Variants in STXBP5 observed in about 807,000 individuals in gnomAD.
The protein encoded by STXBP5 is syntaxin binding protein 5.
A neutral mutation model predicts 152.4 loss-of-function variants in STXBP5; 50 were observed. The ratio of observed to expected loss-of-function variants is 0.33; its 90% CI spans 0.26 to 0.42. STXBP5 has a LOEUF of 0.42. Among genes scored for constraint, STXBP5 ranks in the 10% least tolerant of loss-of-function variants. The pLI, the probability that STXBP5 is intolerant of heterozygous loss-of-function variation, is 1.00. For missense variants in STXBP5, 1,167 were observed against 1,388.6 expected (o/e 0.84, Z 2.54); for synonymous variants, 492 against 494.7 (o/e 0.99, Z 0.07).
intron 2 of STXBP5, among the ~76,000 whole-genome samples, chr6:147,222,331 T>C (rs567743328): frequency 8.1e-4 from 123 of 152,330 alleles, no homozygotes; most frequent in African/African-American, 2.9e-3. Context: ...CGGGACATGA[T>C]GTACTAAGTA....
chr6:147,315,025 A>G (rs2128374555), intron 14 of STXBP5, among the ~76,000 whole-genome samples: 1 of 141,596 alleles, frequency 7.1e-6, no homozygotes, highest in Non-Finnish European at 1.5e-5. Flanking sequence ...ACATAGTAGC[A>G]AAAAAAGAAA....
rs114664715 is a variant in STXBP5, at chr6:147,239,463, A to G, written c.431+193A>G. Among the ~76,000 whole-genome samples, 513 of 152,294 alleles carry G rather than the reference A, an allele frequency of 3.4e-3. 2 individuals carry two copies. The highest frequency in any genetic ancestry group is 0.012 in the African/African-American group (500 of 41,570). ...ATCTTACTTTCTTCAGCAACCACAT[A>G]AATTTCTTTTGTGTCCTTCTGGAAG... On this transcript the variant is annotated intron_variant, in intron 4 of 27. Coordinates refer to ENST00000321680, the MANE Select transcript of STXBP5 (RefSeq NM_001127715.4).
intron 26 of STXBP5, among the ~76,000 whole-genome samples, chr6:147,376,703 C>CA (rs1785828198): frequency 6.6e-6 from 1 of 151,882 alleles, no homozygotes; most frequent in African/African-American, 2.4e-5. Context: ...CCCACTTACT[C>CA]ATGAAGCTGA....
chr6:147,285,425 A>G (rs1038682675), intron 8 of STXBP5, among the ~76,000 whole-genome samples: 2 of 152,138 alleles, frequency 1.3e-5, no homozygotes, highest in African/African-American at 4.8e-5. Flanking sequence ...ATAAGCAGTA[A>G]TCAGAGACAT....
rs760703463 is a variant in STXBP5 at position 147,386,771 on chromosome 6, C to A, written c.*2016C>A. 1 of 151,634 alleles carries A rather than the reference C, an allele frequency of 6.6e-6. No individual in the cohort carries two copies. The highest frequency in any genetic ancestry group is 1.5e-5 in the Non-Finnish European group (1 of 67,736). The allele number at this position is 151,634 out of a possible 1,614,324, so 9.4% of individuals were successfully genotyped here. On this transcript the variant is annotated 3_prime_UTR_variant, in exon 28 of 28. Coordinates refer to ENST00000321680, the MANE Select transcript of STXBP5 (RefSeq NM_001127715.4). Reference sequence around the variant, plus strand: ...GTTTTGTGAATGTCATCAATAAAATCAACAGTTATGGATTTGAAGAAGTTG... The same window carrying A: ...GTTTTGTGAATGTCATCAATAAAATAAACAGTTATGGATTTGAAGAAGTTG...
Position 147,310,106 on chromosome 6 carries a change from G to A in STXBP5, c.940G>A (p.Gly314Arg). 1 of 1,556,176 alleles carries A rather than the reference G, an allele frequency of 6.4e-7. No homozygotes were observed. The highest frequency in any genetic ancestry group is 8.6e-7 in the Non-Finnish European group (1 of 1,157,426). ...RSGEPFIILS[G>R]GLSYDTVGRR... ...CAGGGAGCCTTTTATTATTTTATCAGGAGGTTTGTCATATGATACTGTAGG... is the reference window on the plus strand; with the variant it reads ...CAGGGAGCCTTTTATTATTTTATCAAGAGGTTTGTCATATGATACTGTAGG... The change falls in exon 10 of 28, where the codon GGA becomes AGA. Residue 314 changes from glycine (G) to arginine (R), a missense_variant. This residue lies in a region of STXBP5 where 24 missense variants were observed against 56.2 expected (regional missense o/e 0.43). Transcript: ENST00000321680.
rs372535802 is a variant in STXBP5, at chr6:147,387,661, A to G, written c.*2906A>G. ...TTCCAAAAAAATGGTTATAGATTCG[A>G]CTGAGCTATTACTAACTTCTCCATT... On this transcript the variant is annotated 3_prime_UTR_variant, in exon 28 of 28. Transcript: ENST00000321680. The G allele has an allele frequency of 4.6e-5, 7 of 151,916 alleles. No homozygotes were observed. In the South Asian group the frequency reaches 8.3e-4, roughly 18 times the overall value. The allele number at this position is 151,916 out of a possible 1,614,324, so 9.4% of individuals were successfully genotyped here. A position where few individuals can be genotyped will look rare whatever the true frequency, so the allele number is the denominator to read the frequency against.
At position 147,385,414 on chromosome 6, in the gene STXBP5, C is replaced by G. The variant is rs944468261; in HGVS notation, c.*659C>G. The stretch of plus-strand genomic sequence containing the variant: ...GACTTGTATTTAGTTCATATTTTGT[C>G]AAAAGCAAAACAAGAAGATACATCA... On this transcript the variant is annotated 3_prime_UTR_variant, in exon 28 of 28. Transcript: ENST00000321680. 9 of 151,910 alleles carry G rather than the reference C, an allele frequency of 5.9e-5. No individual in the cohort carries two copies. The highest frequency in any genetic ancestry group is 2.2e-4 in the African/African-American group (9 of 41,374). The allele number at this position is 151,910 out of a possible 1,614,324, so 9.4% of individuals were successfully genotyped here.
At chr6:147,370,742 A>T (rs1785501606) in intron 25 of STXBP5, among the ~76,000 whole-genome samples, 1 of 152,084 alleles carries the variant, frequency 6.6e-6, no homozygotes, top group Non-Finnish European at 1.5e-5. Flanking sequence ...TAATCACTGT[A>T]AACAACTGAT....
At chr6:147,212,306 T>TA (rs1776897934) in intron 2 of STXBP5, among the ~76,000 whole-genome samples, 1 of 152,230 alleles carries the variant, frequency 6.6e-6, no homozygotes, top group African/African-American at 2.4e-5. Flanking sequence ...GATGAGTTTT[T>TA]ATCTCTGTTG....
intron 4 of STXBP5, among the ~76,000 whole-genome samples, chr6:147,245,384 C>T (rs1317447608): frequency 6.6e-6 from 1 of 152,134 alleles, no homozygotes; most frequent in Non-Finnish European, 1.5e-5. Context: ...TAAATATCCT[C>T]CTTAATTAGC....
At chr6:147,350,984 T>A (rs1046417550) in intron 21 of STXBP5, among the ~76,000 whole-genome samples, 1 of 152,224 alleles carries the variant, frequency 6.6e-6, no homozygotes, top group Non-Finnish European at 1.5e-5. Flanking sequence ...TTCCAAACCC[T>A]GTCCTAACCA....
At chr6:147,279,544 T>G (rs1241179542) in intron 8 of STXBP5, among the ~76,000 whole-genome samples, 1 of 152,214 alleles carries the variant, frequency 6.6e-6, no homozygotes, top group African/African-American at 2.4e-5. Context: ...ATTTTAGGCT[T>G]GCTTGTTTTC....
chr6:147,321,766 AC>A (rs1374655239), intron 16 of STXBP5, among the ~76,000 whole-genome samples: 1 of 152,220 alleles, frequency 6.6e-6, no homozygotes, highest in African/African-American at 2.4e-5. Context: ...TCTTTATAAA[AC>A]TTTTTCCTTA....
chr6:147,316,119 A>T, intron 15 of STXBP5, 110 bp from the exon 16 acceptor site: 1 of 1,102,432 alleles, frequency 9.1e-7, no homozygotes, highest in South Asian at 1.7e-5. Flanking sequence ...ACCTTTAAAA[A>T]TCTTCTTGCC....
intron 19 of STXBP5, among the ~76,000 whole-genome samples, chr6:147,335,661 G>C (rs1783786369): frequency 6.6e-6 from 1 of 152,048 alleles, no homozygotes. Context: ...GTAGCCGGGC[G>C]AGGTAGCAGG....
intron 6 of STXBP5, among the ~76,000 whole-genome samples, chr6:147,266,232 A>G (rs1779885770): frequency 6.6e-6 from 1 of 152,120 alleles, no homozygotes; most frequent in Non-Finnish European, 1.5e-5. Context: ...ATATTACTGA[A>G]TTTGCAATTT....
intron 9 of STXBP5, 60 bp downstream of exon 9, chr6:147,291,232 G>A (rs1781261228): frequency 1.5e-6 from 2 of 1,367,436 alleles, no homozygotes; most frequent in Non-Finnish European, 2.0e-6. Context: ...AGCATGGAAG[G>A]CTATTTTATC....
At chr6:147,330,862 A>G (rs1783533557) in intron 18 of STXBP5, among the ~76,000 whole-genome samples, 1 of 152,192 alleles carries the variant, frequency 6.6e-6, no homozygotes, top group Non-Finnish European at 1.5e-5. Context: ...GGCCAAAACC[A>G]GCCTAGTGCC....
Sources: gnomAD v4.1 joint callset for allele counts (sites outside exome capture counted in the v4.1 genomes callset) on GRCh38, gnomAD v4.1.1 for gene constraint, gnomAD v4.1.1 regional missense constraint, MANE v1.5 for transcripts, NCBI Gene and HGNC (gene_info 2026-07-23, HGNC 2026-07-21) for gene names.